TSPAN9: variants seen among roughly 807,000 people sequenced by gnomAD.
TSPAN9 encodes the protein tetraspanin 9.
TSPAN9 carries 16 observed loss-of-function variants against 31.0 expected under a neutral mutation model. The ratio of observed to expected loss-of-function variants is 0.52; its 90% confidence interval spans 0.35 to 0.78. The LOEUF is 0.78. Among genes scored for constraint, TSPAN9 ranks in the 30% least tolerant of loss-of-function variants. The probability of loss-of-function intolerance (pLI) is 0.01; values close to 1 mark genes in which losing one functional copy is unlikely to be tolerated. For synonymous variants in TSPAN9, 145 were observed against 121.6 expected (o/e 1.19, Z -1.27); for missense variants, 272 against 312.5 (o/e 0.87, Z 0.98).
intron 3 of TSPAN9, among the ~76,000 whole-genome samples, chr12:3,251,762 A>G (rs1862247141): frequency 6.6e-6 from 1 of 152,088 alleles, no homozygotes. Flanking sequence ...CAGCCCCTGG[A>G]GGAATGGGCA....
intron 2 of TSPAN9, among the ~76,000 whole-genome samples, chr12:3,142,558 TC>T (rs1480440917): frequency 3.3e-5 from 5 of 152,144 alleles, no homozygotes; most frequent in African/African-American, 1.2e-4. Context: ...AATCTAGTAA[TC>T]CTTTTGTGAA....
rs1220797322 is a variant in TSPAN9, at chr12:3,170,914, T to G, written c.-17-30263T>G. Among the ~76,000 whole-genome samples the G allele has an allele frequency of 6.6e-6, 1 of 152,184 alleles. No individual in the cohort carries two copies. Among genetic ancestry groups the G allele is most frequent in the African/African-American group, 2.4e-5 (1 of 41,440 alleles). On this transcript the variant is annotated intron_variant, in intron 2 of 8. Coordinates refer to ENST00000011898, the MANE Select transcript of TSPAN9 (RefSeq NM_006675.5). The surrounding 1 kb of genome is among the most constrained non-coding windows in gnomAD (Gnocchi z 4.4). ...ATTTCTTAAGCATTGCATCTGCGTCTCCACTTGGATGACTAATAGACGTCC... is the reference window on the plus strand; with the variant it reads ...ATTTCTTAAGCATTGCATCTGCGTCGCCACTTGGATGACTAATAGACGTCC...
At chr12:3,094,115 G>C (rs1475683600) in intron 2 of TSPAN9, among the ~76,000 whole-genome samples, 4 of 152,120 alleles carry the variant, frequency 2.6e-5, no homozygotes, top group South Asian at 4.1e-4. Flanking sequence ...TTTTGCTTCT[G>C]CCTCCCAAAG....
intron 3 of TSPAN9, among the ~76,000 whole-genome samples, chr12:3,218,755 G>A (rs1368732662): frequency 6.6e-6 from 1 of 152,202 alleles, no homozygotes; most frequent in Non-Finnish European, 1.5e-5. Context: ...CAGTGATTAA[G>A]ACATCACCAG....
chr12:3,237,322 G>A (rs975867246), intron 3 of TSPAN9, among the ~76,000 whole-genome samples: 2 of 118,236 alleles, frequency 1.7e-5, no homozygotes, highest in Non-Finnish European at 3.7e-5. Flanking sequence ...GATGACTTAC[G>A]ATCAAAGACA....
chr12:3,096,051 G>C (rs1300682053), intron 2 of TSPAN9, among the ~76,000 whole-genome samples: 1 of 151,610 alleles, frequency 6.6e-6, no homozygotes, highest in Non-Finnish European at 1.5e-5. Flanking sequence ...CCCGGGCGGC[G>C]CTCCCGGCGC....
At chr12:3,111,649 T>G (rs1285385791) in intron 2 of TSPAN9, among the ~76,000 whole-genome samples, 2 of 150,688 alleles carry the variant, frequency 1.3e-5, no homozygotes, top group Non-Finnish European at 3.0e-5. Context: ...ACTCTCACTC[T>G]GCCGCCCAGG....
In TSPAN9 at chr12:3,098,049, CCAGAGTG is replaced by C. The variant is rs370995417; in HGVS notation, c.-18+14348_-18+14354del. Among the ~76,000 whole-genome samples, 281 of 151,872 alleles carry C rather than the reference CCAGAGTG, an allele frequency of 1.9e-3. 2 individuals carry two copies. Among genetic ancestry groups the C allele is most frequent in the African/African-American group, 5.8e-3 (241 of 41,388 alleles). On this transcript the variant is annotated intron_variant, in intron 2 of 8. Coordinates refer to ENST00000011898, the MANE Select transcript of TSPAN9 (RefSeq NM_006675.5). ...GATGTGCACCGATGCAGGACGTCGGCCAGAGTGCAGAGTGCAGAGTGCAGCCGGATGT... is the reference window on the plus strand; with the variant it reads ...GATGTGCACCGATGCAGGACGTCGGCCAGAGTGCAGAGTGCAGCCGGATGT...
intron 2 of TSPAN9, among the ~76,000 whole-genome samples, chr12:3,105,055 C>A (rs1038153034): frequency 6.6e-6 from 1 of 152,322 alleles, no homozygotes; most frequent in Admixed American, 6.5e-5. Flanking sequence ...GGAGGAAAAG[C>A]AAATTGTTTC....
chr12:3,120,276 A>C (rs975617771), intron 2 of TSPAN9, among the ~76,000 whole-genome samples: 1 of 152,186 alleles, frequency 6.6e-6, no homozygotes, highest in Non-Finnish European at 1.5e-5. Context: ...GCCTGGGGAC[A>C]GGACACAACC....
intron 3 of TSPAN9, among the ~76,000 whole-genome samples, chr12:3,230,747 C>T (rs373740220): frequency 4.6e-5 from 7 of 152,094 alleles, no homozygotes; most frequent in African/African-American, 9.7e-5. Flanking sequence ...CTCCTTCCAT[C>T]GGCAGCACAC....
intron 1 of TSPAN9, among the ~76,000 whole-genome samples, chr12:3,079,761 C>T (rs2098296876): frequency 6.9e-6 from 1 of 145,508 alleles, no homozygotes; most frequent in African/African-American, 2.6e-5. Flanking sequence ...CGTACTTAGC[C>T]CCTTCTTCTA....
chr12:3,131,565 G>A (rs1271197788), intron 2 of TSPAN9, among the ~76,000 whole-genome samples: 4 of 152,146 alleles, frequency 2.6e-5, no homozygotes, highest in Admixed American at 2.0e-4. Context: ...AAAGCTTCTG[G>A]CCTGACCGTG....
intron 3 of TSPAN9, among the ~76,000 whole-genome samples, chr12:3,207,967 C>T (rs2098376229): frequency 6.6e-6 from 1 of 152,232 alleles, no homozygotes; most frequent in Non-Finnish European, 1.5e-5. Context: ...TTCCTTTAAC[C>T]TCTTGCTATC....
At chr12:3,217,479 A>G (rs899418712) in intron 3 of TSPAN9, among the ~76,000 whole-genome samples, 2 of 152,150 alleles carry the variant, frequency 1.3e-5, no homozygotes, top group African/African-American at 2.4e-5. Context: ...CTCTTCTGTC[A>G]TGCTGGGTCT....
In TSPAN9 at chr12:3,143,216, A is replaced by G. The variant is rs1311910014; in HGVS notation, c.-17-57961A>G. On this transcript the variant is annotated intron_variant, in intron 2 of 8. Coordinates refer to ENST00000011898, the MANE Select transcript of TSPAN9 (RefSeq NM_006675.5). This position sits in a 1 kb window ranked among gnomAD's most constrained non-coding sequence, Gnocchi z 4.2. ...GATGTCTGCCAGGTATCTCCCGTAT[A>G]TAAAGTGGCCCCTTTTTCTTTATAA... Among the ~76,000 whole-genome samples, 1 of 151,428 alleles carries G rather than the reference A, an allele frequency of 6.6e-6. No individual in the cohort carries two copies. The highest frequency in any genetic ancestry group is 1.5e-5 in the Non-Finnish European group (1 of 67,874).
rs78182194 is a variant in TSPAN9, at chr12:3,189,225, C to T, written c.-17-11952C>T. The stretch of plus-strand genomic sequence containing the variant: ...AGGCTGAGCAGGATGGGGGAGGCTT[C>T]GGAGGTGGAGGGCAGGTGCATGCAG... On this transcript the variant is annotated intron_variant, in intron 2 of 8. Transcript: ENST00000011898. 4.2e-3 allele frequency among the ~76,000 whole-genome samples: 644 copies of T among 152,050 alleles called. 4 individuals are homozygous for T. Among genetic ancestry groups the T allele is most frequent in the African/African-American group, 0.015 (603 of 41,482 alleles).
At chr12:3,224,996 C>T (rs1334429625) in intron 3 of TSPAN9, among the ~76,000 whole-genome samples, 1 of 152,196 alleles carries the variant, frequency 6.6e-6, no homozygotes, top group Non-Finnish European at 1.5e-5. Context: ...CCAGCCACTC[C>T]ACTGTGTGTG....
intron 2 of TSPAN9, among the ~76,000 whole-genome samples, chr12:3,189,330 G>C (rs1015992798): frequency 1.1e-4 from 17 of 152,216 alleles, no homozygotes; most frequent in African/African-American, 4.1e-4. Flanking sequence ...GGGGAAGAAG[G>C]CTGACAGAGT....
Sources: gnomAD v4.1 joint callset for allele counts (sites outside exome capture counted in the v4.1 genomes callset) on GRCh38, gnomAD v4.1.1 for gene constraint, Gnocchi (gnomAD v3.1) non-coding constraint, MANE v1.5 for transcripts, NCBI Gene and HGNC (gene_info 2026-07-23, HGNC 2026-07-21) for gene names.